Variants in GLIS3 observed in about 807,000 individuals in gnomAD.
GLIS3 encodes GLIS family zinc finger 3.
Under a neutral mutation model 78.6 loss-of-function variants are expected in GLIS3, and 53 were observed. That is an observed-to-expected ratio of 0.67 (90% CI 0.54 to 0.85). The LOEUF (loss-of-function observed/expected upper bound fraction) is 0.85. Ranked by LOEUF, GLIS3 falls within the 40% of genes least tolerant of loss-of-function variation. The probability of loss-of-function intolerance (pLI) is 0.00; values close to 1 mark genes in which losing one functional copy is unlikely to be tolerated. For missense variants in GLIS3, 1,703 were observed against 1,231.1 expected (o/e 1.38, Z -5.74); for synonymous variants, 684 against 509.9 (o/e 1.34, Z -4.60).
rs144841400 is a variant in GLIS3, at chr9:4,319,957, T to A, written n.265-9429A>T. 4.7e-4 allele frequency among the ~76,000 whole-genome samples: 71 copies of A among 151,986 alleles called. 1 individual carries two copies. The East Asian group carries it at 0.013, about 29-fold the overall frequency. On this transcript the variant is annotated intron_variant and non_coding_transcript_variant, in intron 2 of 4. Transcript: ENST00000471664. ...TGTTTTGTTCGGCCTATAGAATTGG[T>A]CCTTACAGTAGGTTAGTAGAGGGGG... is the stretch of plus-strand genomic sequence containing the variant.
chr9:3,925,496 C>T (rs1436010627), intron 6 of GLIS3, among the ~76,000 whole-genome samples: 1 of 152,186 alleles, frequency 6.6e-6, no homozygotes, highest in Non-Finnish European at 1.5e-5. Context: ...GTGTTCTCCC[C>T]ATGTCTGTAT....
chr9:4,453,600 A>G, the GLIS3 span, among the ~76,000 whole-genome samples: 3 of 152,184 alleles, frequency 2.0e-5, no homozygotes, highest in East Asian at 1.9e-4. Flanking sequence ...AACCAACCCA[A>G]ATATCCATCA....
At chr9:4,025,878 G>A (rs1823293829) in intron 4 of GLIS3, among the ~76,000 whole-genome samples, 1 of 152,114 alleles carries the variant, frequency 6.6e-6, no homozygotes, top group African/African-American at 2.4e-5. Context: ...TTTTATAAAT[G>A]AAATAGCTCT....
intron 4 of GLIS3, among the ~76,000 whole-genome samples, chr9:3,954,606 G>T (rs1345634556): frequency 6.6e-6 from 1 of 152,166 alleles, no homozygotes; most frequent in Non-Finnish European, 1.5e-5. Flanking sequence ...ATTTCCTACA[G>T]TATTCAATAT....
chr9:4,357,441 C>T, the GLIS3 span, among the ~76,000 whole-genome samples: 6 of 152,256 alleles, frequency 3.9e-5, no homozygotes, highest in East Asian at 1.9e-4. Flanking sequence ...TTTACACTAT[C>T]GCTCTCCTGC....
chr9:3,976,656 C>T (rs751933699), intron 4 of GLIS3, among the ~76,000 whole-genome samples: 3 of 151,400 alleles, frequency 2.0e-5, no homozygotes, highest in Non-Finnish European at 4.4e-5. Context: ...AGTAACATCA[C>T]CATAAGGCTG....
At position 4,117,991 on chromosome 9, in the gene GLIS3, A is replaced by C; in HGVS notation, c.1487T>G (p.Ile496Ser). 1 of 1,611,340 alleles carries C rather than the reference A, an allele frequency of 6.2e-7. No individual in the cohort carries two copies. Among genetic ancestry groups the C allele is most frequent in the South Asian group, 1.1e-5 (1 of 91,028 alleles). Residue 496 changes from isoleucine to serine, a missense_variant, in exon 4 of 11, where the codon ATC becomes AGC. Ile to Ser is a moderately radical substitution (Grantham distance 142). Coordinates refer to ENST00000381971, the MANE Select transcript of GLIS3 (RefSeq NM_001042413.2). ...CCAGCGGCAGCAATGCTTGCCCCCG[A>C]TGCCGTCCATCTCCCCGTCGTCGTC... ...TLDDDGEMDG[I>S]GGKHCCRWID...
At chr9:4,293,854 GTT>G (rs1197780097) in intron 1 of GLIS3, among the ~76,000 whole-genome samples, 1 of 152,200 alleles carries the variant, frequency 6.6e-6, no homozygotes, top group East Asian at 1.9e-4. Flanking sequence ...AGTCATTCTT[GTT>G]CCTGGCTTTG....
At chr9:4,041,248 G>A (rs1824788144) in intron 4 of GLIS3, among the ~76,000 whole-genome samples, 1 of 152,148 alleles carries the variant, frequency 6.6e-6, no homozygotes, top group African/African-American at 2.4e-5. Flanking sequence ...AAAACAAGGG[G>A]GTGGGAGTGG....
chr9:4,163,549 G>C (rs1239255013), intron 2 of GLIS3, among the ~76,000 whole-genome samples: 1 of 152,262 alleles, frequency 6.6e-6, no homozygotes, highest in East Asian at 1.9e-4. Flanking sequence ...TACCCAGGCA[G>C]TAAGACCACA....
chr9:4,433,826 G>A, the GLIS3 span, among the ~76,000 whole-genome samples: 811 of 152,298 alleles, frequency 5.3e-3, 4 homozygotes, highest in Non-Finnish European at 9.1e-3. Flanking sequence ...GCGGGGCGCC[G>A]CTGCTCATGC....
intron 4 of GLIS3, among the ~76,000 whole-genome samples, chr9:4,092,405 G>T (rs2130759963): frequency 6.6e-6 from 1 of 152,204 alleles, no homozygotes; most frequent in East Asian, 1.9e-4. Context: ...GCCTGCCTCA[G>T]CCTCCCAATA....
intron 4 of GLIS3, among the ~76,000 whole-genome samples, chr9:4,044,450 C>T (rs1825084505): frequency 1.3e-5 from 2 of 152,154 alleles, no homozygotes; most frequent in African/African-American, 4.8e-5. Context: ...CATAGTCTCT[C>T]ATTTCTCTTT....
At chr9:3,972,291 C>G (rs1409982609) in intron 4 of GLIS3, among the ~76,000 whole-genome samples, 1 of 152,092 alleles carries the variant, frequency 6.6e-6, no homozygotes. Flanking sequence ...ACAAATCATC[C>G]CAGTTCTTTA....
chr9:4,044,386 C>A (rs1338080636), intron 4 of GLIS3, among the ~76,000 whole-genome samples: 1 of 152,166 alleles, frequency 6.6e-6, no homozygotes, highest in Non-Finnish European at 1.5e-5. Context: ...CATTTGTTTT[C>A]CTGATTGTTC....
intron 4 of GLIS3, among the ~76,000 whole-genome samples, chr9:4,078,245 A>G (rs746554771): frequency 7.1e-4 from 108 of 152,272 alleles, no homozygotes; most frequent in South Asian, 1.2e-3. Context: ...GTCAAACCCA[A>G]TATGTATCAA....
At chr9:4,138,658 A>G (rs1833585546) in intron 2 of GLIS3, among the ~76,000 whole-genome samples, 1 of 152,184 alleles carries the variant, frequency 6.6e-6, no homozygotes, top group African/African-American at 2.4e-5. Flanking sequence ...TTCCCTTACC[A>G]GCTGTGTGAC....
At chr9:4,002,331 AT>A (rs1253042532) in intron 4 of GLIS3, among the ~76,000 whole-genome samples, 1 of 152,134 alleles carries the variant, frequency 6.6e-6, no homozygotes, top group Non-Finnish European at 1.5e-5. Context: ...AGTAAAATTC[AT>A]TTCCGACTCC....
At chr9:3,852,928 C>A (rs1436096746) in intron 9 of GLIS3, among the ~76,000 whole-genome samples, 16 of 152,126 alleles carry the variant, frequency 1.1e-4, no homozygotes, top group South Asian at 2.1e-4. Context: ...AAAGTTAGGG[C>A]CCAGCACAGG....
Sources: allele counts gnomAD v4.1 joint callset (sites outside exome capture counted in the v4.1 genomes callset), GRCh38; gene constraint gnomAD v4.1.1; transcripts MANE v1.5; gene names NCBI Gene and HGNC (gene_info 2026-07-23, HGNC 2026-07-21).